Variants in ADPRHL1 observed in about 807,000 individuals in gnomAD.
The protein encoded by ADPRHL1 is inactive ADP-ribosyltransferase ARH2.
A neutral mutation model predicts 44.1 loss-of-function variants in ADPRHL1; 43 were observed. The ratio of observed to expected loss-of-function variants is 0.98; its 90% CI spans 0.76 to 1.26. The LOEUF (loss-of-function observed/expected upper bound fraction) is 1.26, where lower values mean the gene tolerates loss of function less well. Ranked by LOEUF, ADPRHL1 falls within the 50% of genes most tolerant of loss-of-function variation. ADPRHL1 has a pLI of 0.00. For synonymous variants in ADPRHL1, 878 were observed against 1,017.4 expected, an observed-to-expected ratio of 0.86 and a Z score of 2.61; for missense variants, 2,022 against 2,496.9, an observed-to-expected ratio of 0.81 and a Z score of 4.05.
At chr13:113,438,519 C>T (rs1352196320) in intron 2 of ADPRHL1, among the ~76,000 whole-genome samples, 1 of 151,760 alleles carries the variant, frequency 6.6e-6, no homozygotes, top group Non-Finnish European at 1.5e-5. Flanking sequence ...CATAGTGAAA[C>T]CCCTGTCTCT....
At position 113,444,508 on chromosome 13, in the gene ADPRHL1, G is replaced by A; in HGVS notation, c.296C>T (p.Pro99Leu). 1.9e-6 allele frequency: 3 copies of A among 1,614,204 alleles called. No individual in the cohort carries two copies. The highest frequency in any genetic ancestry group is 1.6e-4 in the Middle Eastern group (1 of 6,062). ...ACAGCCTTCAATGGTAGCTGGGTCT[G>A]GCCGGCGTTCTGGAAGCTTCTCAAC... is the stretch of plus-strand genomic sequence containing the variant. The part of the protein sequence containing the change: ...EIVEKLPERR[P>L]DPATIEGCAQ... The change falls in exon 2 of 8, where the codon CCA becomes CTA. Residue 99 changes from proline (P) to leucine (L), a missense_variant. Physicochemically the swap from Pro to Leu is moderately conservative, Grantham distance 98. Around this residue, in one of 8 missense-constraint regions of ADPRHL1, gnomAD observed 437 missense variants for 430.7 expected, o/e 1.01. Coordinates refer to ENST00000612156, the MANE Select transcript of ADPRHL1 (RefSeq NM_001394807.1).
At position 113,409,031 on chromosome 13, in the gene ADPRHL1, A is replaced by G. The variant is rs561933917; in HGVS notation, c.1062-811T>C. Among the ~76,000 whole-genome samples, 98 of 152,366 alleles carry G rather than the reference A, an allele frequency of 6.4e-4. 1 individual carries two copies. The highest frequency in any genetic ancestry group is 2.3e-3 in the African/African-American group (96 of 41,592). ...TGGCTGGGTCTCCGGAACCCCTTTC[A>G]AAATGGCTTAGAGGAGCCACTGAGG... On this transcript the variant is annotated intron_variant, in intron 7 of 7. Coordinates refer to ENST00000612156, the MANE Select transcript of ADPRHL1 (RefSeq NM_001394807.1). This position sits in a 1 kb window ranked among gnomAD's most constrained non-coding sequence, Gnocchi z 4.2.
In ADPRHL1 at chr13:113,449,007, C is replaced by T. The variant is rs192397128; in HGVS notation, c.214+4217G>A. 27 of 986,440 alleles carry T rather than the reference C, an allele frequency of 2.7e-5. No homozygotes were observed. The Admixed American group carries it at 1.1e-3, about 40-fold the overall frequency. 61.1% of individuals were successfully genotyped at this position (986,440 alleles called of 1,614,324 possible). ...CTGGCACACACACACACCTGCTAAA[C>T]GCTTGCCAAGTGACTTGGTGATAAT... On this transcript the variant is annotated intron_variant, in intron 1 of 7. Transcript: ENST00000612156.
At chr13:113,439,364 C>A (rs990338640) in intron 2 of ADPRHL1, among the ~76,000 whole-genome samples, 10 of 152,140 alleles carry the variant, frequency 6.6e-5, no homozygotes, top group Non-Finnish European at 1.2e-4. Flanking sequence ...CTCAGGTGAT[C>A]TGCCGGCCTT....
At chr13:113,448,959 T>C (rs2044160895) in intron 1 of ADPRHL1, 9 of 985,446 alleles carry the variant, frequency 9.1e-6, no homozygotes, top group Non-Finnish European at 1.1e-5. Flanking sequence ...GAGCTCTCTG[T>C]GCGAGGCCGC....
At chr13:113,436,838 T>C in intron 2 of ADPRHL1, among the ~76,000 whole-genome samples, 1 of 112,876 alleles carries the variant, frequency 8.9e-6, no homozygotes, top group South Asian at 3.5e-4. Context: ...AGGCGCAGGG[T>C]GAACATAGGT....
chr13:113,405,243 C>T lies in ADPRHL1; in HGVS notation c.4039G>A (p.Gly1347Ser). 1 of 1,231,920 alleles carries T rather than the reference C, an allele frequency of 8.1e-7. No individual in the cohort carries two copies. The highest frequency in any genetic ancestry group is 1.0e-6 in the Non-Finnish European group (1 of 988,102). The allele number at this position is 1,231,920 out of a possible 1,614,324, so 76.3% of individuals were successfully genotyped here. A position where few individuals can be genotyped will look rare whatever the true frequency, so the allele number is the denominator to read the frequency against. ...HLQAHLPPTA[G>S]DTQAKLRASV... ...GCCCGGAGCTTTGCCTGTGTGTCACCAGCAGTAGGGGGCAGGTGTGCCTGT... is the reference window on the plus strand; with the variant it reads ...GCCCGGAGCTTTGCCTGTGTGTCACTAGCAGTAGGGGGCAGGTGTGCCTGT... The change falls in exon 8 of 8, where the codon GGT becomes AGT. Residue 1347 changes from glycine (G) to serine (S), a missense_variant. By Grantham distance (56) the Gly-to-Ser change is moderately conservative. Around this residue, in one of 8 missense-constraint regions of ADPRHL1, gnomAD observed 1,221 missense variants for 1,517.8 expected, o/e 0.80. Transcript: ENST00000612156.
intron 7 of ADPRHL1, among the ~76,000 whole-genome samples, chr13:113,415,770 A>AGAG (rs772297285): frequency 3.0e-5 from 4 of 132,850 alleles, no homozygotes; most frequent in Non-Finnish European, 4.7e-5. Flanking sequence ...AAAAAAAAAA[A>AGAG]AGAGAGAGAG....
intron 1 of ADPRHL1, among the ~76,000 whole-genome samples, chr13:113,448,646 A>G (rs1474758159): frequency 6.7e-6 from 1 of 149,154 alleles, no homozygotes; most frequent in Non-Finnish European, 1.5e-5. Flanking sequence ...GAGGCTGAGA[A>G]GGTGCTGGCC....
At chr13:113,436,340 C>T (rs71449010) in intron 2 of ADPRHL1, among the ~76,000 whole-genome samples, 599 of 95,244 alleles carry the variant, frequency 6.3e-3, no homozygotes, top group Middle Eastern at 0.034. Flanking sequence ...AGAGTGAACA[C>T]AGGTGTACCC....
chr13:113,446,060 CGG>C (rs2044134892), intron 1 of ADPRHL1, among the ~76,000 whole-genome samples: 1 of 135,298 alleles, frequency 7.4e-6, no homozygotes, highest in Non-Finnish European at 1.5e-5. Flanking sequence ...GTGCAGGGCC[CGG>C]CGGCTGCAAA....
intron 2 of ADPRHL1, among the ~76,000 whole-genome samples, chr13:113,435,125 G>C (rs80299676): frequency 0.25 from 25,964 of 102,870 alleles, 4,491 homozygotes; most frequent in Middle Eastern, 0.29. Flanking sequence ...GTGAACATAG[G>C]TGTACCCCAG....
At chr13:113,442,850 G>A (rs964011489) in intron 2 of ADPRHL1, among the ~76,000 whole-genome samples, 4 of 152,186 alleles carry the variant, frequency 2.6e-5, no homozygotes, top group Non-Finnish European at 5.9e-5. Flanking sequence ...GGCCGCCCGC[G>A]GGTCGCTGGT....
chr13:113,435,070 AGAGTG>A (rs1463670965), intron 2 of ADPRHL1, among the ~76,000 whole-genome samples: 2 of 141,554 alleles, frequency 1.4e-5, no homozygotes, highest in Non-Finnish European at 3.1e-5. Flanking sequence ...ACCCAGGTGT[AGAGTG>A]AACATAGGTG....
rs556828464 is a variant in ADPRHL1, at chr13:113,453,373, A to T, written c.65T>A (p.Val22Asp). 4.3e-6 allele frequency: 7 copies of T among 1,614,116 alleles called. No individual in the cohort carries two copies. The highest frequency in any genetic ancestry group is 4.0e-5 in the African/African-American group (3 of 75,008). The change falls in exon 1 of 8, where the codon GTC becomes GAC. Residue 22 changes from valine to aspartate, a missense_variant. Val to Asp is a radical substitution (Grantham distance 152, BLOSUM62 -3). Transcript: ENST00000612156. This position sits in a 1 kb window ranked among gnomAD's most constrained non-coding sequence, Gnocchi z 5.4. ...SVGDALGYRN[V>D]CKENSTVGMK... Reference sequence around the variant, plus strand: ...GCCTACAGTGCTGTTCTCCTTGCAGACATTTCTGTAGCCAAGAGCATCGCC... The same window carrying T: ...GCCTACAGTGCTGTTCTCCTTGCAGTCATTTCTGTAGCCAAGAGCATCGCC...
intron 3 of ADPRHL1, among the ~76,000 whole-genome samples, chr13:113,431,908 G>A (rs933158134): frequency 7.9e-5 from 12 of 152,118 alleles, no homozygotes; most frequent in African/African-American, 2.9e-4. Context: ...GTAGAGACGA[G>A]GTTTCACCAT....
chr13:113,443,604 G>GT (rs1318199651), intron 2 of ADPRHL1, among the ~76,000 whole-genome samples: 1 of 152,034 alleles, frequency 6.6e-6, no homozygotes, highest in Non-Finnish European at 1.5e-5. Context: ...GGGTGATGGA[G>GT]TGAGACCCTG....
rs561133507 is a variant in ADPRHL1, at chr13:113,407,816, T to C, written c.1466A>G (p.Glu489Gly). The change falls in exon 8 of 8, where the codon GAG becomes GGG. Residue 489 changes from glutamate to glycine, a missense_variant. Around this residue, in one of 8 missense-constraint regions of ADPRHL1, gnomAD observed 1,221 missense variants for 1,517.8 expected, o/e 0.80. Coordinates refer to ENST00000612156, the MANE Select transcript of ADPRHL1 (RefSeq NM_001394807.1). ...GGCCGGGTGGCCCCAGCGGGGCTTC[T>C]CGCTGAGGCAGGGCTTTGGGGCCGG... ...KEPAPKPCLS[E>G]KPRWGHPAGK... The C allele has an allele frequency of 8.1e-6, 10 of 1,231,972 alleles. No homozygotes were observed. The South Asian group carries it at 4.1e-4, about 51-fold the overall frequency. The allele number at this position is 1,231,972 out of a possible 1,614,324, so 76.3% of individuals were successfully genotyped here. A position where few individuals can be genotyped will look rare whatever the true frequency, so the allele number is the denominator to read the frequency against.
chr13:113,419,661 A>G (rs1476570287), intron 7 of ADPRHL1, among the ~76,000 whole-genome samples: 4 of 152,206 alleles, frequency 2.6e-5, no homozygotes, highest in Admixed American at 6.5e-5. Context: ...GATGGAAACC[A>G]CTGAGAGCCA....
Sources: allele counts gnomAD v4.1 joint callset (sites outside exome capture counted in the v4.1 genomes callset), GRCh38; gene constraint gnomAD v4.1.1; regional missense constraint gnomAD v4.1.1; non-coding constraint Gnocchi (gnomAD v3.1); transcripts MANE v1.5; gene names NCBI Gene and HGNC (gene_info 2026-07-23, HGNC 2026-07-21).